ZNF18: variants seen among roughly 807,000 people sequenced by gnomAD.
ZNF18 encodes the protein zinc finger protein 18, also known as heart development-specific gene 1 protein.
Under a neutral mutation model 58.1 loss-of-function variants are expected in ZNF18, and 42 were observed. The observed-to-expected ratio is 0.72, with a 90% CI of 0.56 to 0.93. The LOEUF is 0.93. ZNF18 is among the 40% of genes least tolerant of loss of function. The probability of loss-of-function intolerance (pLI) is 0.00; values close to 1 mark genes in which losing one functional copy is unlikely to be tolerated. For missense variants in ZNF18, 540 were observed against 644.2 expected (o/e 0.84, Z 1.75); for synonymous variants, 231 against 239.8 (o/e 0.96, Z 0.34).
At chr17:12,019,776 A>G in the ZNF18 span, among the ~76,000 whole-genome samples, 1 of 152,236 alleles carries the variant, frequency 6.6e-6, no homozygotes, top group African/African-American at 2.4e-5. Flanking sequence ...GCATCAAATA[A>G]CATCTGGGTG....
intron 2 of ZNF18, among the ~76,000 whole-genome samples, chr17:11,991,420 C>A (rs1968122150): frequency 6.6e-6 from 1 of 152,192 alleles, no homozygotes; most frequent in South Asian, 2.1e-4. Flanking sequence ...TATGCGCCAC[C>A]AATGAAAACT....
intron 4 of ZNF18, among the ~76,000 whole-genome samples, chr17:11,989,991 A>G (rs186735204): frequency 4.0e-4 from 61 of 152,312 alleles, no homozygotes; most frequent in Non-Finnish European, 1.3e-4. Flanking sequence ...ATGTATATAC[A>G]TTATCATTAT....
At chr17:12,020,949 C>T in the ZNF18 span, 731 of 1,217,542 alleles carry the variant, frequency 6.0e-4, 4 homozygotes, top group African/African-American at 8.6e-3. Flanking sequence ...GCGGCACCCC[C>T]GGCCCCGTAG....
chr17:12,001,171 A>G (rs1485954969), upstream of ZNF18, among the ~76,000 whole-genome samples: 1 of 152,206 alleles, frequency 6.6e-6, no homozygotes, highest in East Asian at 1.9e-4. Context: ...TCCACTAAAG[A>G]GGAGCTTAAA....
chr17:11,980,660 C>T (rs1435898198), intron 6 of ZNF18, among the ~76,000 whole-genome samples: 1 of 151,968 alleles, frequency 6.6e-6, no homozygotes, highest in Non-Finnish European at 1.5e-5. Context: ...CTCAAATGAT[C>T]CCCCCGCCTC....
chr17:12,007,685 G>C, the ZNF18 span, among the ~76,000 whole-genome samples: 6 of 152,272 alleles, frequency 3.9e-5, no homozygotes, highest in South Asian at 1.0e-3. Context: ...CTGCTGCTGG[G>C]GATGGCTAGA....
At chr17:11,994,389 C>T (rs1036765470) in intron 1 of ZNF18, among the ~76,000 whole-genome samples, 4 of 152,006 alleles carry the variant, frequency 2.6e-5, no homozygotes, top group South Asian at 2.1e-4. Flanking sequence ...GAGATAGGGG[C>T]GCCAACCCCC....
the ZNF18 span, among the ~76,000 whole-genome samples, chr17:12,015,045 C>T: frequency 6.6e-6 from 1 of 151,520 alleles, no homozygotes; most frequent in Non-Finnish European, 1.5e-5. Context: ...AAGACTCCAT[C>T]TCAAAAAAAA....
At chr17:12,004,283 G>C in the ZNF18 span, among the ~76,000 whole-genome samples, 1 of 151,582 alleles carries the variant, frequency 6.6e-6, no homozygotes, top group African/African-American at 2.4e-5. Flanking sequence ...AACATATTGA[G>C]ACATACTGAA....
At chr17:11,982,087 C>G (rs541009058) in intron 6 of ZNF18, among the ~76,000 whole-genome samples, 1 of 152,212 alleles carries the variant, frequency 6.6e-6, no homozygotes, top group Admixed American at 6.5e-5. Flanking sequence ...TCTCCCCAAC[C>G]CCCCTCTCTG....
At chr17:12,002,048 G>C (rs1417955797), upstream of ZNF18, among the ~76,000 whole-genome samples, 1 of 152,174 alleles carries the variant, frequency 6.6e-6, no homozygotes, top group East Asian at 1.9e-4. Context: ...GATGAAAGGT[G>C]GGAGGGAGAA....
chr17:11,993,986 A>T (rs1216260988), intron 1 of ZNF18, among the ~76,000 whole-genome samples: 2 of 152,154 alleles, frequency 1.3e-5, no homozygotes, highest in African/African-American at 2.4e-5. Flanking sequence ...ATCGCAAATA[A>T]TATTATTCTA....
At chr17:11,981,085 T>A (rs1180807484) in intron 6 of ZNF18, among the ~76,000 whole-genome samples, 1 of 152,118 alleles carries the variant, frequency 6.6e-6, no homozygotes, top group African/African-American at 2.4e-5. Context: ...CTATATTGAC[T>A]TTTGCCCCTG....
chr17:12,010,419 CTTTT>C, the ZNF18 span, among the ~76,000 whole-genome samples: 1 of 145,678 alleles, frequency 6.9e-6, no homozygotes, highest in Non-Finnish European at 1.5e-5. Context: ...TGTTTCTGAA[CTTTT>C]TTTTTTTTTT....
Position 11,977,449 on chromosome 17 carries a change from A to G in ZNF18, c.*508T>C, listed in dbSNP as rs1967069710. 1 of 153,690 alleles carries G rather than the reference A, an allele frequency of 6.5e-6. No individual in the cohort carries two copies. The highest frequency in any genetic ancestry group is 2.0e-4 in the South Asian group (1 of 4,892). The allele number at this position is 153,690 out of a possible 1,614,324, so 9.5% of individuals were successfully genotyped here. ...CAGTGAACAAACAAATAAGATAGAA[A>G]GTGACTCTGCTAAGTTTATTTCAAA... On this transcript the variant is annotated 3_prime_UTR_variant, in exon 7 of 7. Coordinates refer to ENST00000580306, the MANE Select transcript of ZNF18 (RefSeq NM_001303281.2).
At chr17:11,999,484 C>T (rs929272092), upstream of ZNF18, among the ~76,000 whole-genome samples, 4 of 152,232 alleles carry the variant, frequency 2.6e-5, no homozygotes, top group South Asian at 2.1e-4. Flanking sequence ...ACACTTATTT[C>T]GAAACAGGCT....
In ZNF18 at chr17:11,978,302, G is replaced by A. The variant is rs376762979; in HGVS notation, c.1305C>T (p.Tyr435=). The change falls in exon 7 of 7, where the codon TAC becomes TAT. Residue 435 remains tyrosine, a synonymous_variant. Transcript: ENST00000580306. ...FHQRTHTGET[Y]FQCTICKKAF... ...CTTTTTTGCAGATGGTGCACTGAAA[G>A]TATGTCTCTCCGGTGTGAGTTCTTT... 1.4e-5 allele frequency: 22 copies of A among 1,603,850 alleles called. No individual in the cohort carries two copies. Among genetic ancestry groups the A allele is most frequent in the African/African-American group, 6.7e-5 (5 of 74,092 alleles).
At chr17:12,015,987 C>T in the ZNF18 span, among the ~76,000 whole-genome samples, 3 of 152,142 alleles carry the variant, frequency 2.0e-5, no homozygotes, top group East Asian at 1.9e-4. Flanking sequence ...GACAGGGTTT[C>T]GCCATGTTGG....
At chr17:12,006,745 A>G in the ZNF18 span, among the ~76,000 whole-genome samples, 1 of 152,158 alleles carries the variant, frequency 6.6e-6, no homozygotes, top group African/African-American at 2.4e-5. Context: ...AGCTCAAAAA[A>G]AAGAACTGAG....
Sources: gnomAD v4.1 joint callset for allele counts (sites outside exome capture counted in the v4.1 genomes callset) on GRCh38, gnomAD v4.1.1 for gene constraint, MANE v1.5 for transcripts, NCBI Gene and HGNC (gene_info 2026-07-23, HGNC 2026-07-21) for gene names.